DPP10: variants seen among roughly 807,000 people sequenced by gnomAD.
The protein encoded by DPP10 is dipeptidyl peptidase like 10, also known as inactive dipeptidyl peptidase 10.
In DPP10, 33 loss-of-function variants were observed where a neutral mutation model predicts 120.9. The observed-to-expected ratio is 0.27, with a 90% confidence interval of 0.21 to 0.37. The LOEUF (loss-of-function observed/expected upper bound fraction) is 0.37. DPP10 is among the 10% of genes least tolerant of loss of function. The pLI, the probability that DPP10 is intolerant of heterozygous loss-of-function variation, is 1.00. For synonymous variants in DPP10, 337 were observed against 326.1 expected, an observed-to-expected ratio of 1.03 and a Z score of -0.36; for missense variants, 816 against 942.8, an observed-to-expected ratio of 0.87 and a Z score of 1.76.
At chr2:114,798,201 G>A (rs1194647724) in intron 1 of DPP10, among the ~76,000 whole-genome samples, 1 of 152,176 alleles carries the variant, frequency 6.6e-6, no homozygotes, top group Non-Finnish European at 1.5e-5. Flanking sequence ...ATGGGCCAAG[G>A]GGTGGGGTGG....
intron 1 of DPP10, among the ~76,000 whole-genome samples, chr2:114,993,234 C>CA (rs1183282389): frequency 3.3e-5 from 5 of 152,108 alleles, no homozygotes; most frequent in African/African-American, 1.2e-4. Context: ...TTCCATTTGT[C>CA]AAAATGCAGT....
intron 3 of DPP10, among the ~76,000 whole-genome samples, chr2:115,476,821 T>C (rs2075116769): frequency 6.6e-6 from 1 of 152,152 alleles, no homozygotes; most frequent in East Asian, 1.9e-4. Flanking sequence ...TTATACACCA[T>C]GACCCACTGG....
chr2:114,664,371 G>T (rs1697729672), intron 1 of DPP10, among the ~76,000 whole-genome samples: 1 of 151,994 alleles, frequency 6.6e-6, no homozygotes, highest in Non-Finnish European at 1.5e-5. Context: ...GCTCATGCCT[G>T]TCATCCCAAC....
chr2:115,782,440 C>G (rs762230511), intron 17 of DPP10, 41 bp downstream of exon 17: 1 of 1,555,928 alleles, frequency 6.4e-7, no homozygotes, highest in Non-Finnish European at 8.9e-7. Context: ...TTATGGTTGG[C>G]ATTAGTCTTA....
At chr2:115,563,706 A>G (rs1457767876) in intron 5 of DPP10, among the ~76,000 whole-genome samples, 2 of 152,202 alleles carry the variant, frequency 1.3e-5, no homozygotes, top group African/African-American at 4.8e-5. Flanking sequence ...AATATTTCTG[A>G]GACAGAATAA....
intron 5 of DPP10, among the ~76,000 whole-genome samples, chr2:115,624,876 A>T (rs2085237950): frequency 6.6e-6 from 1 of 152,174 alleles, no homozygotes; most frequent in Admixed American, 6.5e-5. Flanking sequence ...GAATATAGGT[A>T]TCATGATATC....
At chr2:115,762,495 G>C in intron 11 of DPP10, 77 bp from the exon 12 acceptor site, 1 of 1,490,432 alleles carries the variant, frequency 6.7e-7, no homozygotes, top group Non-Finnish European at 9.3e-7. Flanking sequence ...ACTGATAACC[G>C]TGTTTTAAAA....
intron 1 of DPP10, among the ~76,000 whole-genome samples, chr2:114,733,082 G>GAA (rs1369148613): frequency 6.6e-6 from 1 of 152,206 alleles, no homozygotes; most frequent in Non-Finnish European, 1.5e-5. Flanking sequence ...TGCAGAGCGA[G>GAA]AAAGGGCAGG....
intron 5 of DPP10, among the ~76,000 whole-genome samples, chr2:115,668,885 A>G (rs948403013): frequency 1.3e-5 from 2 of 152,140 alleles, no homozygotes; most frequent in Non-Finnish European, 1.5e-5. Context: ...AAAGTATGTC[A>G]TGAGTTTTGA....
Position 115,035,118 on chromosome 2 carries a change from A to G in DPP10, c.61-274121A>G, listed in dbSNP as rs1006276455. ...CTGCTTCTCAACCCTAAGACTGACC[A>G]TGCCCCGACATATTATACTCTTTTT... On this transcript the variant is annotated intron_variant, in intron 1 of 25. Coordinates refer to ENST00000410059, the MANE Select transcript of DPP10 (RefSeq NM_020868.6). Among the ~76,000 whole-genome samples the G allele has an allele frequency of 4.6e-5, 7 of 152,226 alleles. 1 individual carries two copies. The highest frequency in any genetic ancestry group is 2.1e-4 in the South Asian group (1 of 4,830).
chr2:115,097,020 T>G (rs991349178), intron 1 of DPP10, among the ~76,000 whole-genome samples: 3 of 152,174 alleles, frequency 2.0e-5, no homozygotes, highest in African/African-American at 7.2e-5. Context: ...GCAGAATGAC[T>G]GCCTAATGTA....
chr2:115,777,882 C>G, intron 15 of DPP10, 48 bp downstream of exon 15: 3 of 1,579,128 alleles, frequency 1.9e-6, no homozygotes, highest in South Asian at 2.3e-5. Flanking sequence ...TTCTCAATGG[C>G]TATCTATGTA....
chr2:115,810,141 G>T (rs137966085), intron 19 of DPP10, among the ~76,000 whole-genome samples: 2 of 149,888 alleles, frequency 1.3e-5, no homozygotes, highest in East Asian at 3.9e-4. Context: ...CAGCCTGGGC[G>T]ACAGAGCGAG....
intron 1 of DPP10, among the ~76,000 whole-genome samples, chr2:114,861,620 C>G (rs1242058492): frequency 6.6e-6 from 1 of 152,002 alleles, no homozygotes; most frequent in African/African-American, 2.4e-5. Flanking sequence ...CACAGGAAAA[C>G]AATAAACAAT....
intron 5 of DPP10, among the ~76,000 whole-genome samples, chr2:115,642,669 T>C: frequency 6.6e-6 from 1 of 152,048 alleles, no homozygotes; most frequent in Admixed American, 6.6e-5. Flanking sequence ...TCTATCTCTC[T>C]CTCTCCCTCT....
intron 1 of DPP10, among the ~76,000 whole-genome samples, chr2:114,842,250 A>G (rs1167253489): frequency 5.3e-5 from 8 of 152,062 alleles, no homozygotes; most frequent in Admixed American, 1.3e-4. Flanking sequence ...TGTGAAGGCT[A>G]TTTGGCATTC....
At chr2:114,824,231 T>C (rs185461397) in intron 1 of DPP10, among the ~76,000 whole-genome samples, 61 of 152,318 alleles carry the variant, frequency 4.0e-4, no homozygotes, top group African/African-American at 1.2e-3. Flanking sequence ...ATGAAAGAAA[T>C]ATCGTCATTT....
At chr2:114,851,814 C>G (rs1688963582) in intron 1 of DPP10, among the ~76,000 whole-genome samples, 1 of 152,180 alleles carries the variant, frequency 6.6e-6, no homozygotes, top group African/African-American at 2.4e-5. Context: ...GTAACTAGCA[C>G]AGTTGCACAC....
chr2:115,357,718 A>C (rs2064490006), intron 3 of DPP10, among the ~76,000 whole-genome samples: 1 of 152,192 alleles, frequency 6.6e-6, no homozygotes, highest in Admixed American at 6.5e-5. Flanking sequence ...ATCCTAGCAG[A>C]GGTTCTCTAT....
Sources: allele counts gnomAD v4.1 joint callset (sites outside exome capture counted in the v4.1 genomes callset), GRCh38; gene constraint gnomAD v4.1.1; transcripts MANE v1.5; gene names NCBI Gene and HGNC (gene_info 2026-07-23, HGNC 2026-07-21).